The following TMEM232 variants were observed in gnomAD, a reference collection of about 807,000 sequenced individuals.
TMEM232 encodes transmembrane protein 232.
Under a neutral mutation model 78.8 loss-of-function variants are expected in TMEM232, and 80 were observed. The observed-to-expected ratio is 1.01, with a 90% CI of 0.85 to 1.22. The LOEUF (loss-of-function observed/expected upper bound fraction) is 1.22. TMEM232 is among the 50% of genes most tolerant of loss of function. The pLI is 0.00. For missense variants in TMEM232, 881 were observed against 742.2 expected, an observed-to-expected ratio of 1.19 and a Z score of -2.17; for synonymous variants, 297 against 254.3, an observed-to-expected ratio of 1.17 and a Z score of -1.60.
chr5:110,716,437 C>A (rs1797019084), intron 1 of TMEM232, among the ~76,000 whole-genome samples: 1 of 152,148 alleles, frequency 6.6e-6, no homozygotes, highest in South Asian at 2.1e-4. Context: ...TTTCCTGCAA[C>A]CAGACAGTTC....
intron 1 of TMEM232, among the ~76,000 whole-genome samples, chr5:110,697,476 C>T (rs898064867): frequency 6.6e-6 from 1 of 152,114 alleles, no homozygotes; most frequent in African/African-American, 2.4e-5. Flanking sequence ...AGAGCTTCTG[C>T]ACAGCAGAAG....
intron 12 of TMEM232, among the ~76,000 whole-genome samples, chr5:110,430,762 T>C (rs183772743): frequency 3.9e-5 from 6 of 151,906 alleles, no homozygotes; most frequent in East Asian, 1.9e-4. Flanking sequence ...TTAGGATTTC[T>C]GTTTGTCACT....
intron 8 of TMEM232, among the ~76,000 whole-genome samples, chr5:110,615,264 A>G (rs1395282894): frequency 2.6e-5 from 4 of 152,032 alleles, no homozygotes; most frequent in Non-Finnish European, 4.4e-5. Context: ...TGAGGGACTT[A>G]GAATTTACAT....
At chr5:110,435,652 T>C (rs1042276438) in intron 12 of TMEM232, among the ~76,000 whole-genome samples, 35 of 151,808 alleles carry the variant, frequency 2.3e-4, no homozygotes, top group African/African-American at 8.2e-4. Flanking sequence ...ATTCTTTATC[T>C]CCATGGGTTC....
intron 11 of TMEM232, among the ~76,000 whole-genome samples, chr5:110,536,074 C>T (rs1772306639): frequency 6.6e-6 from 1 of 152,188 alleles, no homozygotes; most frequent in Non-Finnish European, 1.5e-5. Context: ...CTCCTTTCCC[C>T]TTTTGCTATC....
intron 12 of TMEM232, among the ~76,000 whole-genome samples, chr5:110,524,407 GAAAGAAAGAAAAGA>G (rs1345091991): frequency 0.018 from 1,539 of 87,290 alleles, 18 homozygotes; most frequent in South Asian, 0.043. Flanking sequence ...AAGAAAGAAA[GAAAGAAAGAAAAGA>G]AAAGAAAAGA....
intron 10 of TMEM232, among the ~76,000 whole-genome samples, chr5:110,575,155 A>T (rs1777428951): frequency 6.6e-6 from 1 of 152,070 alleles, no homozygotes; most frequent in Non-Finnish European, 1.5e-5. Context: ...AATACAAATA[A>T]TGATAATGAT....
chr5:110,404,092 C>T (rs979529913), intron 2 of TMEM232, among the ~76,000 whole-genome samples: 3 of 151,918 alleles, frequency 2.0e-5, no homozygotes, highest in Admixed American at 6.6e-5. Flanking sequence ...ATGCCTGCAC[C>T]CTCTTCCCAT....
chr5:110,387,576 C>G (rs953037106), intron 5 of TMEM232, among the ~76,000 whole-genome samples: 12 of 152,144 alleles, frequency 7.9e-5, no homozygotes, highest in Admixed American at 7.2e-4. Context: ...TTAAACTCAC[C>G]AGTCAATGGT....
chr5:110,537,773 T>A (rs140506297), intron 11 of TMEM232, among the ~76,000 whole-genome samples: 1 of 152,204 alleles, frequency 6.6e-6, no homozygotes, highest in African/African-American at 2.4e-5. Context: ...ATAACTGATA[T>A]ACAACAATGT....
At chr5:110,470,298 G>T (rs1762538619) in intron 12 of TMEM232, among the ~76,000 whole-genome samples, 1 of 152,102 alleles carries the variant, frequency 6.6e-6, no homozygotes, top group Non-Finnish European at 1.5e-5. Flanking sequence ...AGCGCTAGAA[G>T]ATGCCTCACA....
chr5:110,624,834 A>G (rs1176106493), intron 7 of TMEM232, among the ~76,000 whole-genome samples: 1 of 152,058 alleles, frequency 6.6e-6, no homozygotes, highest in East Asian at 1.9e-4. Context: ...CTCTTCCTCA[A>G]ATTTCCTTAG....
chr5:110,677,321 AT>A (rs542249453), intron 1 of TMEM232, among the ~76,000 whole-genome samples: 4 of 150,786 alleles, frequency 2.7e-5, no homozygotes, highest in Non-Finnish European at 5.9e-5. Context: ...GTGTGCAAAT[AT>A]TTTTTTTCCA....
intron 5 of TMEM232, among the ~76,000 whole-genome samples, chr5:110,631,964 C>T (rs935507450): frequency 2.6e-5 from 4 of 151,854 alleles, no homozygotes; most frequent in Non-Finnish European, 5.9e-5. Flanking sequence ...CTGCTAATAC[C>T]AGAGCAAGTA....
In TMEM232 at chr5:110,625,207, A is replaced by T. The variant is rs73226227; in HGVS notation, c.768+60T>A. ...TATTGATAAGCACCATTACTTAATC[A>T]TAGTAATGATATCTGATGCATCAGG... On this transcript the variant is annotated intron_variant, in intron 7 of 13. Transcript: ENST00000455884. 3.6e-3 allele frequency: 4,947 copies of T among 1,364,850 alleles called. 187 individuals are homozygous for T. The African/African-American group carries it at 0.067, about 18-fold the overall frequency. 84.5% of individuals were successfully genotyped at this position (1,364,850 alleles called of 1,614,324 possible).
At chr5:110,708,221 C>T (rs1796131765) in intron 1 of TMEM232, among the ~76,000 whole-genome samples, 1 of 152,026 alleles carries the variant, frequency 6.6e-6, no homozygotes, top group Admixed American at 6.6e-5. Context: ...CTCTTGGAAT[C>T]CTGAATAGTA....
At chr5:110,477,910 T>C (rs2149388964) in intron 12 of TMEM232, among the ~76,000 whole-genome samples, 1 of 152,066 alleles carries the variant, frequency 6.6e-6, no homozygotes, top group African/African-American at 2.4e-5. Context: ...GAGACCATTA[T>C]CCTGTGACAA....
At chr5:110,501,805 G>A (rs1766293290) in intron 12 of TMEM232, among the ~76,000 whole-genome samples, 1 of 152,154 alleles carries the variant, frequency 6.6e-6, no homozygotes, top group Non-Finnish European at 1.5e-5. Flanking sequence ...AGCTATCAAA[G>A]TGTAAAAGAG....
upstream of TMEM232, among the ~76,000 whole-genome samples, chr5:110,729,578 T>C (rs1400372934): frequency 6.6e-6 from 1 of 152,248 alleles, no homozygotes; most frequent in Non-Finnish European, 1.5e-5. Context: ...CTCAGAACTC[T>C]GTGTTGGAAT....
Sources: gnomAD v4.1 joint callset for allele counts (sites outside exome capture counted in the v4.1 genomes callset) on GRCh38, gnomAD v4.1.1 for gene constraint, MANE v1.5 for transcripts, NCBI Gene and HGNC (gene_info 2026-07-23, HGNC 2026-07-21) for gene names.